Variants in BRIP1 observed in about 807,000 individuals in gnomAD.
BRIP1 encodes the protein Fanconi anemia group J protein.
Under a neutral mutation model 119.7 loss-of-function variants are expected in BRIP1, and 88 were observed. The observed-to-expected ratio is 0.74, with a 90% CI of 0.62 to 0.88. The LOEUF is 0.88. Ranked by LOEUF, BRIP1 falls within the 40% of genes least tolerant of loss-of-function variation. The pLI, the probability that BRIP1 is intolerant of heterozygous loss-of-function variation, is 0.00. For missense variants in BRIP1, 1,259 were observed against 1,455.4 expected, an observed-to-expected ratio of 0.87 and a Z score of 2.20; for synonymous variants, 443 against 496.5, an observed-to-expected ratio of 0.89 and a Z score of 1.43.
At chr17:61,688,565 A>G (rs928207487) in intron 18 of BRIP1, among the ~76,000 whole-genome samples, 2 of 152,144 alleles carry the variant, frequency 1.3e-5, no homozygotes, top group Non-Finnish European at 2.9e-5. Flanking sequence ...AAGGTTTGAG[A>G]GGCTCCCAGA....
chr17:61,720,665 G>A lies in BRIP1; in HGVS notation c.2380-4602C>T, dbSNP rs899497629. Among the ~76,000 whole-genome samples the A allele has an allele frequency of 3.9e-5, 6 of 152,098 alleles. No individual in the cohort carries two copies. The highest frequency in any genetic ancestry group is 1.4e-4 in the African/African-American group (6 of 41,408). ...TCCCTTTGTCCAGTATATCCATGCTGTACATACTACCCACCAGCAGTTAGT... is the reference window on the plus strand; with the variant it reads ...TCCCTTTGTCCAGTATATCCATGCTATACATACTACCCACCAGCAGTTAGT... On this transcript the variant is annotated intron_variant, in intron 16 of 19. Coordinates refer to ENST00000259008, the MANE Select transcript of BRIP1 (RefSeq NM_032043.3). The surrounding 1 kb of genome is among the most constrained non-coding windows in gnomAD (Gnocchi z 4.3).
rs1260193954 is a variant in BRIP1, at chr17:61,767,447, T to A, written c.2097+8954A>T. Reference sequence around the variant, plus strand: ...ACCACACCTGGCTGATATTTTTTGTTTTGTTTTTTTAAACACTGGGTCTCT... The same window carrying A: ...ACCACACCTGGCTGATATTTTTTGTATTGTTTTTTTAAACACTGGGTCTCT... On this transcript the variant is annotated intron_variant, in intron 14 of 19. Coordinates refer to ENST00000259008, the MANE Select transcript of BRIP1 (RefSeq NM_032043.3). The surrounding 1 kb of genome is among the most constrained non-coding windows in gnomAD (Gnocchi z 5.7). Among the ~76,000 whole-genome samples the A allele has an allele frequency of 6.6e-6, 1 of 151,950 alleles. No homozygotes were observed. Among genetic ancestry groups the A allele is most frequent in the Admixed American group, 6.6e-5 (1 of 15,242 alleles).
At position 61,759,804 on chromosome 17, in the gene BRIP1, G is replaced by A. The variant is rs2077251214; in HGVS notation, c.2098-15213C>T. ...TTATTGCTAAAAAAATGCTGACACAGAGACATGAAGTGAGTACATAGTATT... is the reference window on the plus strand; with the variant it reads ...TTATTGCTAAAAAAATGCTGACACAAAGACATGAAGTGAGTACATAGTATT... On this transcript the variant is annotated intron_variant, in intron 14 of 19. Transcript: ENST00000259008. This position sits in a 1 kb window ranked among gnomAD's most constrained non-coding sequence, Gnocchi z 4.9. Among the ~76,000 whole-genome samples the A allele has an allele frequency of 1.3e-5, 2 of 151,314 alleles. No individual in the cohort carries two copies. The highest frequency in any genetic ancestry group is 4.9e-5 in the African/African-American group (2 of 41,170).
Position 61,691,256 on chromosome 17 carries a change from TAAAA to T in BRIP1, c.2575+2170_2575+2173del, listed in dbSNP as rs147475618. Among the ~76,000 whole-genome samples, 1,435 of 148,926 alleles carry T rather than the reference TAAAA, an allele frequency of 9.6e-3. 13 individuals are homozygous for T. Among genetic ancestry groups the T allele is most frequent in the Non-Finnish European group, 0.014 (915 of 66,944 alleles). On this transcript the variant is annotated intron_variant, in intron 18 of 19. Transcript: ENST00000259008. This position sits in a 1 kb window ranked among gnomAD's most constrained non-coding sequence, Gnocchi z 5.0. ...ATAATAATAAAAATAAAAATTAAAA[TAAAA>T]AAACTCAAACCAGGGAAAAAAAATA...
rs893352713 is a variant in BRIP1 at position 61,775,066 on chromosome 17, T to C, written c.2097+1335A>G. 6.6e-6 allele frequency among the ~76,000 whole-genome samples: 1 copy of C among 152,198 alleles called. No homozygotes were observed. Among genetic ancestry groups the C allele is most frequent in the African/African-American group, 2.4e-5 (1 of 41,464 alleles). On this transcript the variant is annotated intron_variant, in intron 14 of 19. Transcript: ENST00000259008. The surrounding 1 kb of genome is among the most constrained non-coding windows in gnomAD (Gnocchi z 4.4). ...TTTTCTTCCAATTTCCCGGAAGATA[T>C]TTGTCTCCATATTTAAGAATTAAAA...
At chr17:61,838,672 G>C (rs1425306122) in intron 6 of BRIP1, among the ~76,000 whole-genome samples, 1 of 151,580 alleles carries the variant, frequency 6.6e-6, no homozygotes, top group Non-Finnish European at 1.5e-5. Context: ...ACTTACCCAA[G>C]TCTATCAATT....
At chr17:61,688,459 C>A (rs537243209) in intron 18 of BRIP1, among the ~76,000 whole-genome samples, 2 of 151,864 alleles carry the variant, frequency 1.3e-5, no homozygotes, top group Non-Finnish European at 2.9e-5. Flanking sequence ...CCAACATGGG[C>A]GACAGAGTGA....
In BRIP1 at chr17:61,831,766, A is replaced by T. The variant is rs938714484; in HGVS notation, c.627+15335T>A. ...ATTTGCCTAGAAATGTTATTTCTGG[A>T]CCATATGGTAATTCTGTTTTTAACT... On this transcript the variant is annotated intron_variant, in intron 6 of 19. Coordinates refer to ENST00000259008, the MANE Select transcript of BRIP1 (RefSeq NM_032043.3). The surrounding 1 kb of genome is among the most constrained non-coding windows in gnomAD (Gnocchi z 4.1). Among the ~76,000 whole-genome samples, 3 of 152,152 alleles carry T rather than the reference A, an allele frequency of 2.0e-5. No individual in the cohort carries two copies. The highest frequency in any genetic ancestry group is 7.2e-5 in the African/African-American group (3 of 41,430).
rs1295094375 is a variant in BRIP1 at position 61,814,175 on chromosome 17, T to A, written c.628-5418A>T. ...TGGTCTCTTCTTCCATAGGAAGATA[T>A]CTTTTATGATCGAAATGTAGAGAAG... On this transcript the variant is annotated intron_variant, in intron 6 of 19. Transcript: ENST00000259008. The surrounding 1 kb of genome is among the most constrained non-coding windows in gnomAD (Gnocchi z 4.9). 6.6e-6 allele frequency among the ~76,000 whole-genome samples: 1 copy of A among 152,086 alleles called. No homozygotes were observed. The highest frequency in any genetic ancestry group is 1.5e-5 in the Non-Finnish European group (1 of 67,930).
At position 61,704,692 on chromosome 17, in the gene BRIP1, G is replaced by A. The variant is rs893744288; in HGVS notation, c.2493-11180C>T. The stretch of plus-strand genomic sequence containing the variant: ...TCTATTTCATCTTGGGTGAATTTTG[G>A]TATTTTGTGGGTTTTGTGGAATTAA... On this transcript the variant is annotated intron_variant, in intron 17 of 19. Coordinates refer to ENST00000259008, the MANE Select transcript of BRIP1 (RefSeq NM_032043.3). The surrounding 1 kb of genome is among the most constrained non-coding windows in gnomAD (Gnocchi z 5.7). Among the ~76,000 whole-genome samples, 2 of 152,132 alleles carry A rather than the reference G, an allele frequency of 1.3e-5. No homozygotes were observed. Among genetic ancestry groups the A allele is most frequent in the South Asian group, 2.1e-4 (1 of 4,818 alleles).
Position 61,731,988 on chromosome 17 carries a change from T to A in BRIP1, c.2379+11025A>T, listed in dbSNP as rs1372422040. Among the ~76,000 whole-genome samples the A allele has an allele frequency of 2.0e-3, 273 of 136,476 alleles. 2 individuals carry two copies. The highest frequency in any genetic ancestry group is 7.0e-3 in the African/African-American group (257 of 36,498). 89.5% of individuals were successfully genotyped at this position (136,476 alleles called of 152,430 possible). A position where few individuals can be genotyped will look rare whatever the true frequency, so the allele number is the denominator to read the frequency against. On this transcript the variant is annotated intron_variant, in intron 16 of 19. Transcript: ENST00000259008. Reference sequence around the variant, plus strand: ...TTCTTTCTTTCTTTCTTTCTTTTTTTTTTTTTTTTTTTTTTGAGACAGAGT... The same window carrying A: ...TTCTTTCTTTCTTTCTTTCTTTTTTATTTTTTTTTTTTTTTGAGACAGAGT...
In BRIP1 at chr17:61,680,278, C is replaced by T. The variant is rs935409389; in HGVS notation, c.*3018G>A. 3.3e-5 allele frequency among the ~76,000 whole-genome samples: 5 copies of T among 151,376 alleles called. No individual in the cohort carries two copies. The highest frequency in any genetic ancestry group is 2.6e-4 in the Admixed American group (4 of 15,188). The stretch of plus-strand genomic sequence containing the variant: ...GAGACATGAGAATCGCTTTAACCTG[C>T]GAGGCAGAGGTTGCAGTGAGCCAAG... On this transcript the variant is annotated 3_prime_UTR_variant, in exon 20 of 20. Transcript: ENST00000259008.
At position 61,846,246 on chromosome 17, in the gene BRIP1, A is replaced by T. The variant is rs374639282; in HGVS notation, c.627+855T>A. On this transcript the variant is annotated intron_variant, in intron 6 of 19. Transcript: ENST00000259008. The surrounding 1 kb of genome is among the most constrained non-coding windows in gnomAD (Gnocchi z 4.3). ...ACATATAGAGAGAGAGAGAGAGAAA[A>T]AGAGAGAGAGAGAGAAAGAGAGAGA... 1.6e-5 allele frequency among the ~76,000 whole-genome samples: 2 copies of T among 124,800 alleles called. No homozygotes were observed. Among genetic ancestry groups the T allele is most frequent in the African/African-American group, 1.1e-4 (2 of 17,598 alleles). The allele number at this position is 124,800 out of a possible 152,430, so 81.9% of individuals were successfully genotyped here.
intron 6 of BRIP1, among the ~76,000 whole-genome samples, chr17:61,818,561 A>G (rs910089886): frequency 6.6e-6 from 1 of 152,112 alleles, no homozygotes; most frequent in East Asian, 1.9e-4. Flanking sequence ...AGAAAAACCA[A>G]TCTACAAAAA....
At position 61,795,468 on chromosome 17, in the gene BRIP1, A is replaced by T. The variant is rs1038910709; in HGVS notation, c.1341-1739T>A. 2.0e-5 allele frequency among the ~76,000 whole-genome samples: 3 copies of T among 151,888 alleles called. No individual in the cohort carries two copies. Among genetic ancestry groups the T allele is most frequent in the Non-Finnish European group, 4.4e-5 (3 of 67,922 alleles). On this transcript the variant is annotated intron_variant, in intron 9 of 19. Transcript: ENST00000259008. This position sits in a 1 kb window ranked among gnomAD's most constrained non-coding sequence, Gnocchi z 5.6. Reference sequence around the variant, plus strand: ...TATCTCAATGGATTAAATTGTTTTCATTTTTAGATCCCACAAATAAGTGAG... The same window carrying T: ...TATCTCAATGGATTAAATTGTTTTCTTTTTTAGATCCCACAAATAAGTGAG...
chr17:61,784,148 C>G (rs1442449419), intron 11 of BRIP1, 122 bp downstream of exon 11: 2 of 836,306 alleles, frequency 2.4e-6, no homozygotes, highest in African/African-American at 1.7e-5. Flanking sequence ...ATAATAATAT[C>G]TATAACACTT....
At chr17:61,792,230 AC>A (rs974369208) in intron 10 of BRIP1, among the ~76,000 whole-genome samples, 22 of 152,276 alleles carry the variant, frequency 1.4e-4, no homozygotes, top group African/African-American at 5.1e-4. Context: ...ACAGGCGCAT[AC>A]CACCATACCC....
chr17:61,693,384 T>C lies in BRIP1; in HGVS notation c.2575+46A>G, dbSNP rs368744439. Reference sequence around the variant, plus strand: ...TGTGTTTTTCACCACAATAAAAATATGAAGATTGTTACTAGTTTTTACTCT... The same window carrying C: ...TGTGTTTTTCACCACAATAAAAATACGAAGATTGTTACTAGTTTTTACTCT... On this transcript the variant is annotated intron_variant, in intron 18 of 19. Transcript: ENST00000259008. The surrounding 1 kb of genome is among the most constrained non-coding windows in gnomAD (Gnocchi z 4.2). 64 of 1,491,176 alleles carry C rather than the reference T, an allele frequency of 4.3e-5. No homozygotes were observed. The African/African-American group carries it at 4.3e-4, about 10-fold the overall frequency. 92.4% of individuals were successfully genotyped at this position (1,491,176 alleles called of 1,614,324 possible).
rs572281582 is a variant in BRIP1 at position 61,853,874 on chromosome 17, G to A, written c.379+3184C>T. On this transcript the variant is annotated intron_variant, in intron 4 of 19. Transcript: ENST00000259008. The surrounding 1 kb of genome is among the most constrained non-coding windows in gnomAD (Gnocchi z 4.3). ...ACTAATAAAAAATAGGCAATTATTC[G>A]AACAGACATATCATCAAACAAGATA... 2.6e-5 allele frequency among the ~76,000 whole-genome samples: 4 copies of A among 152,168 alleles called. No homozygotes were observed. The highest frequency in any genetic ancestry group is 2.1e-4 in the South Asian group (1 of 4,828).
Sources: allele counts gnomAD v4.1 joint callset (sites outside exome capture counted in the v4.1 genomes callset), GRCh38; gene constraint gnomAD v4.1.1; non-coding constraint Gnocchi (gnomAD v3.1); transcripts MANE v1.5; gene names NCBI Gene and HGNC (gene_info 2026-07-23, HGNC 2026-07-21).